Variants in IFT74 observed in about 807,000 individuals in gnomAD.
The protein encoded by IFT74 is intraflagellar transport protein 74 homolog.
In IFT74, 92 loss-of-function variants were observed where a neutral mutation model predicts 96.7. The observed-to-expected ratio is 0.95, with a 90% CI of 0.80 to 1.13. The LOEUF (loss-of-function observed/expected upper bound fraction) is 1.13. IFT74 is among the 50% of genes most tolerant of loss of function. IFT74 has a pLI of 0.00. For missense variants in IFT74, 811 were observed against 698.2 expected (o/e 1.16, Z -1.82); for synonymous variants, 223 against 213.2 (o/e 1.05, Z -0.40).
intron 16 of IFT74, among the ~76,000 whole-genome samples, chr9:27,049,650 C>G (rs775282576): frequency 2.0e-5 from 3 of 152,058 alleles, no homozygotes; most frequent in Non-Finnish European, 4.4e-5. Context: ...AATCTGTTTC[C>G]TCAAGAAACT....
At position 27,011,988 on chromosome 9, in the gene IFT74, AG is replaced by A; in HGVS notation, c.789+23del. On this transcript the variant is annotated intron_variant, in intron 10 of 19. Coordinates refer to ENST00000380062, the MANE Select transcript of IFT74 (RefSeq NM_025103.4). The stretch of plus-strand genomic sequence containing the variant: ...GAAGCAGTAAGTATAAAATCAAATA[AG>A]GGTTCTCATACTACTCAGCTAAAAA... 6.6e-7 allele frequency: 1 copy of A among 1,522,918 alleles called. No homozygotes were observed. Among genetic ancestry groups the A allele is most frequent in the Middle Eastern group, 1.8e-4 (1 of 5,658 alleles). The allele number at this position is 1,522,918 out of a possible 1,614,324, so 94.3% of individuals were successfully genotyped here.
At chr9:26,976,957 T>C (rs1827156928) in intron 2 of IFT74, among the ~76,000 whole-genome samples, 1 of 152,200 alleles carries the variant, frequency 6.6e-6, no homozygotes, top group African/African-American at 2.4e-5. Context: ...GATGGATTTA[T>C]ATCCATTTGT....
chr9:27,019,257 C>A (rs1333155617), intron 12 of IFT74, among the ~76,000 whole-genome samples: 1 of 152,044 alleles, frequency 6.6e-6, no homozygotes, highest in Non-Finnish European at 1.5e-5. Flanking sequence ...ATGCCATGCC[C>A]CCAGTCAATT....
intron 8 of IFT74, 134 bp from the exon 9 acceptor site, chr9:27,008,886 A>G (rs1458058349): frequency 2.9e-6 from 2 of 678,704 alleles, no homozygotes; most frequent in Non-Finnish European, 4.6e-6. Flanking sequence ...GTACAAATAT[A>G]AAGACTTTTC....
At chr9:26,971,832 A>G (rs911400112) in intron 2 of IFT74, among the ~76,000 whole-genome samples, 3 of 152,172 alleles carry the variant, frequency 2.0e-5, no homozygotes, top group African/African-American at 7.2e-5. Context: ...AGCCACTCCA[A>G]AGGTGTACTT....
At chr9:26,951,048 C>T (rs1198279840) in intron 1 of IFT74, among the ~76,000 whole-genome samples, 1 of 152,194 alleles carries the variant, frequency 6.6e-6, no homozygotes, top group Non-Finnish European at 1.5e-5. Context: ...TCCCATATGC[C>T]TGAAGGCATG....
intron 8 of IFT74, among the ~76,000 whole-genome samples, chr9:27,000,160 A>AT (rs1828401423): frequency 6.6e-6 from 1 of 152,160 alleles, no homozygotes; most frequent in Admixed American, 6.5e-5. Context: ...TCTGATCTTA[A>AT]TAAACTAGAA....
chr9:26,952,641 G>C (rs1175329351), upstream of IFT74, among the ~76,000 whole-genome samples: 1 of 152,166 alleles, frequency 6.6e-6, no homozygotes, highest in Non-Finnish European at 1.5e-5. Flanking sequence ...AGACGTAAAG[G>C]ATGCACATTT....
chr9:26,947,650 AG>A (rs1447994483), intron 1 of IFT74, among the ~76,000 whole-genome samples: 2 of 152,166 alleles, frequency 1.3e-5, no homozygotes, highest in Admixed American at 1.3e-4. Flanking sequence ...GAGAATCTCG[AG>A]GTTTTTGCAA....
At chr9:27,040,544 CAAAAAAA>C (rs751893169) in intron 13 of IFT74, among the ~76,000 whole-genome samples, 1,636 of 62,096 alleles carry the variant, frequency 0.026, 39 homozygotes, top group African/African-American at 0.086. Flanking sequence ...GACACTGTCT[CAAAAAAA>C]AAAAAAAAAA....
rs745409480 is a variant in IFT74, at chr9:27,056,400, C to G, written c.1564C>G (p.Gln522Glu). ...TGCCTTTAAGAAAATAATGGAGAAG[C>G]AAAACATAGAGTATGAGGCACTAAA... The part of the protein sequence containing the change: ...RNAFKKIMEK[Q>E]NIEYEALKTQ... Residue 522 changes from glutamine to glutamate, a missense_variant, in exon 18 of 20, where the codon CAA becomes GAA. Physicochemically the swap from Gln to Glu is conservative, Grantham distance 29 (BLOSUM62 2). Transcript: ENST00000380062. The G allele has an allele frequency of 6.3e-7, 1 of 1,598,702 alleles. No individual in the cohort carries two copies. The highest frequency in any genetic ancestry group is 8.5e-7 in the Non-Finnish European group (1 of 1,171,542).
At chr9:26,993,315 T>C (rs1827969815) in intron 8 of IFT74, 1 of 152,184 alleles carries the variant, frequency 6.6e-6, no homozygotes, top group African/African-American at 2.4e-5. Flanking sequence ...AATGATACAT[T>C]GTTTAGAAAA....
At chr9:26,988,143 G>A (rs192729976) in intron 6 of IFT74, among the ~76,000 whole-genome samples, 27 of 152,124 alleles carry the variant, frequency 1.8e-4, no homozygotes, top group Non-Finnish European at 3.7e-4. Flanking sequence ...GTAGAGACAG[G>A]GTTTCTCCAT....
chr9:26,981,772 T>A (rs1381422227), intron 4 of IFT74, among the ~76,000 whole-genome samples: 1 of 150,308 alleles, frequency 6.7e-6, no homozygotes, highest in African/African-American at 2.5e-5. Flanking sequence ...AGAATAATTT[T>A]TTTTTTTTTT....
chr9:27,054,060 A>T (rs1441326097), intron 16 of IFT74, among the ~76,000 whole-genome samples: 1 of 152,246 alleles, frequency 6.6e-6, no homozygotes, highest in Non-Finnish European at 1.5e-5. Flanking sequence ...TCTTAAAGGG[A>T]TAAAAGGAAA....
chr9:27,041,833 C>T (rs1819493700), intron 13 of IFT74, among the ~76,000 whole-genome samples: 1 of 152,202 alleles, frequency 6.6e-6, no homozygotes, highest in African/African-American at 2.4e-5. Flanking sequence ...TTCACTAATG[C>T]TCTGACCACT....
chr9:27,045,845 A>G (rs1011985915), intron 14 of IFT74, among the ~76,000 whole-genome samples: 8 of 152,176 alleles, frequency 5.3e-5, no homozygotes, highest in Non-Finnish European at 1.0e-4. Context: ...ACCAAAAATT[A>G]TCTCAAAAAT....
chr9:27,026,198 A>G (rs1311959862), intron 12 of IFT74, among the ~76,000 whole-genome samples: 1 of 152,236 alleles, frequency 6.6e-6, no homozygotes, highest in Admixed American at 6.5e-5. Context: ...CTTATATTAG[A>G]CAAAACAGAC....
At chr9:26,983,773 A>G (rs981017935) in intron 4 of IFT74, 7 of 131,170 alleles carry the variant, frequency 5.3e-5, no homozygotes, top group African/African-American at 8.9e-5. Context: ...GATATACCTC[A>G]TTCTTTTTTT....
Sources: gnomAD v4.1 joint callset for allele counts (sites outside exome capture counted in the v4.1 genomes callset) on GRCh38, gnomAD v4.1.1 for gene constraint, MANE v1.5 for transcripts, NCBI Gene and HGNC (gene_info 2026-07-23, HGNC 2026-07-21) for gene names.